Variants in ZNF521 observed in about 807,000 individuals in gnomAD.
The protein encoded by ZNF521 is zinc finger protein 521.
ZNF521 carries 14 observed loss-of-function variants against 105.5 expected under a neutral mutation model. The observed-to-expected ratio is 0.13, with a 90% CI of 0.09 to 0.21. ZNF521 has a LOEUF of 0.21. ZNF521 is among the 10% of genes least tolerant of loss of function. The probability of loss-of-function intolerance (pLI) is 1.00; values close to 1 mark genes in which losing one functional copy is unlikely to be tolerated. For synonymous variants in ZNF521, 635 were observed against 606.0 expected (o/e 1.05, Z -0.70); for missense variants, 1,233 against 1,629.7 (o/e 0.76, Z 4.19).
chr18:25,311,069 CGAAA>C (rs1708801161), intron 3 of ZNF521, among the ~76,000 whole-genome samples: 1 of 152,044 alleles, frequency 6.6e-6, no homozygotes, highest in South Asian at 2.1e-4. Flanking sequence ...AAGGTAAAAC[CGAAA>C]GAAAGGAGGA....
intron 3 of ZNF521, among the ~76,000 whole-genome samples, chr18:25,297,845 T>C (rs1010810634): frequency 6.6e-6 from 1 of 152,218 alleles, no homozygotes; most frequent in African/African-American, 2.4e-5. Context: ...CTTCCCTTTT[T>C]ATTATAACAA....
At chr18:25,251,408 C>T (rs1908106867) in intron 3 of ZNF521, among the ~76,000 whole-genome samples, 1 of 152,138 alleles carries the variant, frequency 6.6e-6, no homozygotes, top group African/African-American at 2.4e-5. Flanking sequence ...TTGCCCATTC[C>T]AAGATCTCTT....
chr18:25,294,131 G>A (rs184992999), intron 3 of ZNF521, among the ~76,000 whole-genome samples: 1 of 152,304 alleles, frequency 6.6e-6, no homozygotes, highest in African/African-American at 2.4e-5. Context: ...ACTCTGCAGT[G>A]CTGGTACTAC....
chr18:25,106,344 T>C (rs1006561211), intron 5 of ZNF521, among the ~76,000 whole-genome samples: 1 of 152,068 alleles, frequency 6.6e-6, no homozygotes, highest in Non-Finnish European at 1.5e-5. Flanking sequence ...CCATATACTG[T>C]ACAGCTCAAA....
intron 2 of ZNF521, among the ~76,000 whole-genome samples, chr18:25,328,862 T>C (rs1436511801): frequency 6.6e-6 from 1 of 152,212 alleles, no homozygotes; most frequent in East Asian, 1.9e-4. Flanking sequence ...ATTCCCCCTT[T>C]ATCTTTAACA....
intron 3 of ZNF521, among the ~76,000 whole-genome samples, chr18:25,228,578 A>C (rs1363261114): frequency 6.6e-6 from 1 of 152,228 alleles, no homozygotes; most frequent in African/African-American, 2.4e-5. Flanking sequence ...CCTTAGCTAA[A>C]CAGGACCTGC....
intron 5 of ZNF521, among the ~76,000 whole-genome samples, chr18:25,142,713 T>C (rs1023756197): frequency 5.4e-5 from 8 of 147,678 alleles, no homozygotes; most frequent in Admixed American, 4.8e-4. Context: ...TGAAATTTGA[T>C]TTTTTTTTTT....
Position 25,224,674 on chromosome 18 carries a change from TCAC to T in ZNF521, c.3241_3243del (p.Val1081del). 1 of 1,614,088 alleles carries T rather than the reference TCAC, an allele frequency of 6.2e-7. No homozygotes were observed. Among genetic ancestry groups the T allele is most frequent in the Non-Finnish European group, 8.5e-7 (1 of 1,180,004 alleles). On this transcript the variant is annotated inframe_deletion, in exon 4 of 8. Coordinates refer to ENST00000361524, the MANE Select transcript of ZNF521 (RefSeq NM_015461.3). Reference sequence around the variant, plus strand: ...TATGGCAGGCCATTGATATCAAGTTTCACCAGATCTTGCTTGGAACGGAATTCT... The same window carrying T: ...TATGGCAGGCCATTGATATCAAGTTTCAGATCTTGCTTGGAACGGAATTCT...
chr18:25,250,150 A>C (rs778750160), intron 3 of ZNF521, among the ~76,000 whole-genome samples: 6 of 152,306 alleles, frequency 3.9e-5, no homozygotes, highest in Non-Finnish European at 5.9e-5. Context: ...CGTATTAGCC[A>C]GGATGGTCTC....
intron 2 of ZNF521, among the ~76,000 whole-genome samples, chr18:25,342,976 G>A (rs1914290141): frequency 6.6e-6 from 1 of 152,128 alleles, no homozygotes; most frequent in African/African-American, 2.4e-5. Context: ...TCAATATAAA[G>A]TTTAAAGCAC....
chr18:25,072,314 C>T (rs373194677), intron 7 of ZNF521, among the ~76,000 whole-genome samples: 1 of 152,092 alleles, frequency 6.6e-6, no homozygotes, highest in Non-Finnish European at 1.5e-5. Context: ...TAAAACAAGC[C>T]CTTTAGTCCA....
At chr18:25,298,554 T>TAGA (rs1387206434) in intron 3 of ZNF521, among the ~76,000 whole-genome samples, 6 of 152,176 alleles carry the variant, frequency 3.9e-5, no homozygotes, top group Non-Finnish European at 7.4e-5. Flanking sequence ...CTAGGACTTT[T>TAGA]GTTCGCCCTT....
intron 2 of ZNF521, among the ~76,000 whole-genome samples, chr18:25,335,207 C>A (rs965448081): frequency 6.6e-6 from 1 of 152,108 alleles, no homozygotes; most frequent in Non-Finnish European, 1.5e-5. Flanking sequence ...ACTTTTCCTC[C>A]CATCACCTAA....
At chr18:25,209,925 G>A (rs372901243) in intron 4 of ZNF521, among the ~76,000 whole-genome samples, 2 of 151,948 alleles carry the variant, frequency 1.3e-5, no homozygotes, top group African/African-American at 4.8e-5. Flanking sequence ...TTGATTTTAA[G>A]ACTAAACTAT....
intron 3 of ZNF521, among the ~76,000 whole-genome samples, chr18:25,291,535 CATAGGAAG>C (rs1375588982): frequency 6.6e-6 from 1 of 152,138 alleles, no homozygotes; most frequent in African/African-American, 2.4e-5. Context: ...ATACTTAATT[CATAGGAAG>C]CCTAATTTCC....
chr18:25,070,359 T>G (rs1025656489), intron 7 of ZNF521, among the ~76,000 whole-genome samples: 7 of 152,194 alleles, frequency 4.6e-5, no homozygotes, highest in African/African-American at 1.7e-4. Context: ...GAGATAATCC[T>G]GAAGGATGAG....
intron 5 of ZNF521, among the ~76,000 whole-genome samples, chr18:25,117,802 A>G (rs1263562063): frequency 6.6e-6 from 1 of 152,108 alleles, no homozygotes; most frequent in Admixed American, 6.5e-5. Flanking sequence ...TAATGTGAGA[A>G]AGAAAACGGG....
chr18:25,095,483 T>A (rs1001011780), intron 5 of ZNF521, among the ~76,000 whole-genome samples: 4 of 152,224 alleles, frequency 2.6e-5, no homozygotes, highest in Admixed American at 1.3e-4. Flanking sequence ...CCCTATTTTT[T>A]AATTAAGAAT....
intron 3 of ZNF521, among the ~76,000 whole-genome samples, chr18:25,262,555 GATC>G (rs901090697): frequency 4.4e-4 from 67 of 152,252 alleles, no homozygotes; most frequent in African/African-American, 1.6e-3. Context: ...AACATTTACT[GATC>G]ATCTACTATG....
Sources: allele counts gnomAD v4.1 joint callset (sites outside exome capture counted in the v4.1 genomes callset), GRCh38; gene constraint gnomAD v4.1.1; transcripts MANE v1.5; gene names NCBI Gene and HGNC (gene_info 2026-07-23, HGNC 2026-07-21).